CACNG4: variants seen among roughly 807,000 people sequenced by gnomAD.
CACNG4 encodes voltage-dependent calcium channel gamma-4 subunit.
A neutral mutation model predicts 22.9 loss-of-function variants in CACNG4; 8 were observed. The observed-to-expected ratio is 0.35, with a 90% CI of 0.21 to 0.63. CACNG4 has a LOEUF of 0.63. CACNG4 is among the 30% of genes least tolerant of loss of function. CACNG4 has a pLI of 0.72. For synonymous variants in CACNG4, 188 were observed against 191.9 expected, an observed-to-expected ratio of 0.98 and a Z score of 0.17; for missense variants, 357 against 455.4, an observed-to-expected ratio of 0.78 and a Z score of 1.97.
In CACNG4 at chr17:67,000,518, G is replaced by A. The variant is rs1315977083; in HGVS notation, c.221-17671G>A. On this transcript the variant is annotated intron_variant, in intron 1 of 3. Coordinates refer to ENST00000262138, the MANE Select transcript of CACNG4 (RefSeq NM_014405.4). ...GTGCCTGGGATTTCAGGAGCCTGGA[G>A]CCAGGAGAGGGGGCAAGGGTGCAGG... 2.0e-5 allele frequency among the ~76,000 whole-genome samples: 3 copies of A among 152,290 alleles called. No homozygotes were observed. In the East Asian group the frequency reaches 5.8e-4, roughly 30 times the overall value.
At chr17:66,970,745 A>C (rs1018437803) in intron 1 of CACNG4, among the ~76,000 whole-genome samples, 2 of 152,240 alleles carry the variant, frequency 1.3e-5, no homozygotes, top group Admixed American at 6.5e-5. Context: ...GTTTACACAG[A>C]GGATTATGTC....
intron 1 of CACNG4, among the ~76,000 whole-genome samples, chr17:66,982,710 C>G (rs1450573388): frequency 6.6e-6 from 1 of 152,182 alleles, no homozygotes; most frequent in African/African-American, 2.4e-5. Flanking sequence ...ACGTGCACCA[C>G]CATGCCCATC....
intron 1 of CACNG4, among the ~76,000 whole-genome samples, chr17:67,001,973 T>G (rs2035410768): frequency 1.3e-5 from 2 of 152,312 alleles, no homozygotes; most frequent in South Asian, 4.1e-4. Context: ...CCTCACCAAG[T>G]GACCAAGAAG....
At chr17:66,975,665 A>G (rs939328262) in intron 1 of CACNG4, among the ~76,000 whole-genome samples, 35 of 152,172 alleles carry the variant, frequency 2.3e-4, no homozygotes, top group African/African-American at 8.2e-4. Context: ...CAAATTTTGT[A>G]AGCTGCCCCA....
intron 1 of CACNG4, among the ~76,000 whole-genome samples, chr17:66,991,492 G>A (rs1428751958): frequency 6.6e-6 from 1 of 152,182 alleles, no homozygotes; most frequent in African/African-American, 2.4e-5. Context: ...GTCGGTGGCA[G>A]ATGTCTTTGC....
intron 3 of CACNG4, among the ~76,000 whole-genome samples, chr17:67,026,695 T>A (rs2035569645): frequency 6.6e-6 from 1 of 150,526 alleles, no homozygotes; most frequent in Non-Finnish European, 1.5e-5. Flanking sequence ...GTGTGAGGAC[T>A]ATGGTATATG....
Position 66,984,520 on chromosome 17 carries a change from T to G in CACNG4, c.220+19389T>G, listed in dbSNP as rs1428253677. ...TGATCCAGCAAATACTAGTCGAGAA[T>G]GTGTGTGCCTAGCCCTGTGCTATGT... On this transcript the variant is annotated intron_variant, in intron 1 of 3. Transcript: ENST00000262138. This position sits in a 1 kb window ranked among gnomAD's most constrained non-coding sequence, Gnocchi z 4.0. 6.6e-6 allele frequency among the ~76,000 whole-genome samples: 1 copy of G among 152,214 alleles called. No individual in the cohort carries two copies. The highest frequency in any genetic ancestry group is 1.5e-5 in the Non-Finnish European group (1 of 68,032).
chr17:66,966,102 C>G (rs900173958), intron 1 of CACNG4, among the ~76,000 whole-genome samples: 1 of 152,292 alleles, frequency 6.6e-6, no homozygotes, highest in East Asian at 1.9e-4. Flanking sequence ...ATTTCAGCCC[C>G]GGGACCGTGG....
Position 67,031,377 on chromosome 17 carries a change from A to G in CACNG4, c.*373A>G. 1 of 473,330 alleles carries G rather than the reference A, an allele frequency of 2.1e-6. No homozygotes were observed. The highest frequency in any genetic ancestry group is 4.2e-6 in the Non-Finnish European group (1 of 238,582). The allele number at this position is 473,330 out of a possible 1,614,324, so 29.3% of individuals were successfully genotyped here. ...AATCTTGCCAGAAAAACGGGATTTC[A>G]GGGCCTTCCCTCCCTGCCTGGGTGT... On this transcript the variant is annotated 3_prime_UTR_variant, in exon 4 of 4. Transcript: ENST00000262138. This position sits in a 1 kb window ranked among gnomAD's most constrained non-coding sequence, Gnocchi z 4.0.
intron 1 of CACNG4, among the ~76,000 whole-genome samples, chr17:66,973,021 G>A (rs988667164): frequency 6.6e-6 from 1 of 152,098 alleles, no homozygotes; most frequent in African/African-American, 2.4e-5. Context: ...CAAGGCGGGT[G>A]GATCACCTGA....
chr17:66,997,845 C>T (rs1314570736), intron 1 of CACNG4, among the ~76,000 whole-genome samples: 1 of 151,886 alleles, frequency 6.6e-6, no homozygotes, highest in Non-Finnish European at 1.5e-5. Context: ...AACAAAAAAC[C>T]CACACCTGTG....
At chr17:66,976,144 G>T (rs983657838) in intron 1 of CACNG4, among the ~76,000 whole-genome samples, 1 of 152,180 alleles carries the variant, frequency 6.6e-6, no homozygotes, top group African/African-American at 2.4e-5. Flanking sequence ...CAGGGCCAGG[G>T]TAGAGGAGGA....
intron 1 of CACNG4, among the ~76,000 whole-genome samples, chr17:66,998,451 GC>G (rs751402806): frequency 1.3e-5 from 2 of 152,156 alleles, no homozygotes; most frequent in Non-Finnish European, 2.9e-5. Context: ...CAATCCTCCT[GC>G]CTCAACCTCC....
chr17:67,018,113 G>A (rs756348036), intron 1 of CACNG4, 76 bp from the exon 2 acceptor site: 45 of 1,114,350 alleles, frequency 4.0e-5, no homozygotes, highest in Admixed American at 1.2e-4. Context: ...CACACACATG[G>A]CAACCGTGTC....
intron 1 of CACNG4, among the ~76,000 whole-genome samples, chr17:66,967,258 G>A (rs1001698358): frequency 6.6e-6 from 1 of 152,182 alleles, no homozygotes; most frequent in African/African-American, 2.4e-5. Context: ...CTAGCAGAGG[G>A]AGCCATCTGG....
intron 1 of CACNG4, among the ~76,000 whole-genome samples, chr17:66,966,050 T>C (rs1234530125): frequency 3.3e-5 from 5 of 152,108 alleles, no homozygotes; most frequent in African/African-American, 9.7e-5. Context: ...GACTGGAGGC[T>C]GAGTAGTAGG....
rs899618094 is a variant in CACNG4, at chr17:67,022,838, G to T, written c.305-2022G>T. Among the ~76,000 whole-genome samples the T allele has an allele frequency of 3.3e-5, 5 of 152,334 alleles. No individual in the cohort carries two copies. In the South Asian group the frequency reaches 1.0e-3, roughly 32 times the overall value. ...TTCCCTCCCTCTCGCCTTCCTCCCA[G>T]CCCAGATGCTAAGGGAGGGGCACCC... On this transcript the variant is annotated intron_variant, in intron 2 of 3. Transcript: ENST00000262138.
chr17:66,988,687 C>G (rs1417153511), intron 1 of CACNG4, among the ~76,000 whole-genome samples: 4 of 152,048 alleles, frequency 2.6e-5, no homozygotes, highest in Non-Finnish European at 5.9e-5. Context: ...GTCTCTTTGC[C>G]TCTCTTAGAC....
intron 1 of CACNG4, among the ~76,000 whole-genome samples, chr17:66,975,647 A>AT: frequency 6.6e-6 from 1 of 152,172 alleles, no homozygotes; most frequent in Non-Finnish European, 1.5e-5. Context: ...CAGAAGACAT[A>AT]AGTTGCCCAA....
Sources: allele counts gnomAD v4.1 joint callset (sites outside exome capture counted in the v4.1 genomes callset), GRCh38; gene constraint gnomAD v4.1.1; non-coding constraint Gnocchi (gnomAD v3.1); transcripts MANE v1.5; gene names NCBI Gene and HGNC (gene_info 2026-07-23, HGNC 2026-07-21).